The following MDGA2 variants were observed in gnomAD, a reference collection of about 807,000 sequenced individuals.
The protein encoded by MDGA2 is MAM domain-containing glycosylphosphatidylinositol anchor protein 2.
In MDGA2, 40 loss-of-function variants were observed where a neutral mutation model predicts 117.8. That is an observed-to-expected ratio of 0.34 (90% CI 0.26 to 0.44). MDGA2 has a LOEUF of 0.44. Ranked by LOEUF, MDGA2 falls within the 20% of genes least tolerant of loss-of-function variation. The pLI is 1.00. For synonymous variants in MDGA2, 452 were observed against 439.0 expected, an observed-to-expected ratio of 1.03 and a Z score of -0.37; for missense variants, 1,123 against 1,250.6, an observed-to-expected ratio of 0.90 and a Z score of 1.54.
chr14:46,864,224 G>A (rs1881632603), intron 14 of MDGA2, among the ~76,000 whole-genome samples: 1 of 151,106 alleles, frequency 6.6e-6, no homozygotes, highest in Non-Finnish European at 1.5e-5. Context: ...TGATGTGAGG[G>A]TGGTTAAATG....
At chr14:47,136,960 T>C (rs1026406043) in intron 4 of MDGA2, among the ~76,000 whole-genome samples, 13 of 152,120 alleles carry the variant, frequency 8.5e-5, no homozygotes, top group Non-Finnish European at 1.2e-4. Context: ...AAAAGAAAGG[T>C]AAGCCCCAAG....
intron 7 of MDGA2, among the ~76,000 whole-genome samples, chr14:47,040,329 TTTTATTTTC>T (rs752354643): frequency 5.9e-4 from 85 of 144,314 alleles, no homozygotes; most frequent in Non-Finnish European, 1.0e-3. Context: ...TACTGATAAA[TTTTATTTTC>T]TTTATTTCCC....
intron 5 of MDGA2, among the ~76,000 whole-genome samples, chr14:47,117,704 T>A (rs975201472): frequency 6.6e-6 from 1 of 152,082 alleles, no homozygotes; most frequent in Non-Finnish European, 1.5e-5. Flanking sequence ...GTCAAATTCA[T>A]AGAATCATAG....
chr14:47,426,874 C>A (rs1555320594), intron 1 of MDGA2, among the ~76,000 whole-genome samples: 1 of 151,480 alleles, frequency 6.6e-6, no homozygotes, highest in Non-Finnish European at 1.5e-5. Context: ...TTATAATATA[C>A]TGCTTGGTGA....
At chr14:47,593,850 C>T (rs879837109) in intron 1 of MDGA2, among the ~76,000 whole-genome samples, 1 of 152,022 alleles carries the variant, frequency 6.6e-6, no homozygotes, top group Non-Finnish European at 1.5e-5. Flanking sequence ...CAAACCTGCA[C>T]GTCCTGCACA....
At chr14:47,042,362 G>C (rs1473249664) in intron 7 of MDGA2, among the ~76,000 whole-genome samples, 2 of 149,178 alleles carry the variant, frequency 1.3e-5, no homozygotes, top group East Asian at 3.9e-4. Flanking sequence ...CACGCATGCA[G>C]GTGCGTGTCT....
In MDGA2 at chr14:47,086,908, G is replaced by T. The variant is rs113659028; in HGVS notation, c.1195+9946C>A. 2.1e-3 allele frequency among the ~76,000 whole-genome samples: 321 copies of T among 152,276 alleles called. 2 individuals are homozygous for T. Among genetic ancestry groups the T allele is most frequent in the African/African-American group, 7.2e-3 (300 of 41,560 alleles). On this transcript the variant is annotated intron_variant, in intron 6 of 16. Coordinates refer to ENST00000399232, the MANE Select transcript of MDGA2 (RefSeq NM_001113498.3). ...TTTATTCTTTTGCATGCCATATGGAGAGAGTTGCCCTGATATCTTTGTGCA... is the reference window on the plus strand; with the variant it reads ...TTTATTCTTTTGCATGCCATATGGATAGAGTTGCCCTGATATCTTTGTGCA...
In MDGA2 at chr14:46,841,793, T is replaced by C. The variant is rs1418377847; in HGVS notation, c.*138A>G. 1 of 543,516 alleles carries C rather than the reference T, an allele frequency of 1.8e-6. No homozygotes were observed. 33.7% of individuals were successfully genotyped at this position (543,516 alleles called of 1,614,324 possible). On this transcript the variant is annotated 3_prime_UTR_variant, in exon 17 of 17. Transcript: ENST00000399232. ...TTTTATCCCCAGTGCTTAAAAAAAT[T>C]TGTTTTTATTATTTTATTTTTGAGT...
At chr14:47,594,949 C>T (rs765439951) in intron 1 of MDGA2, among the ~76,000 whole-genome samples, 2 of 152,104 alleles carry the variant, frequency 1.3e-5, no homozygotes, top group African/African-American at 2.4e-5. Flanking sequence ...ACCTTTTGGC[C>T]TTTATTAGTA....
intron 9 of MDGA2, among the ~76,000 whole-genome samples, chr14:46,933,595 A>T (rs1015831405): frequency 2.0e-5 from 3 of 151,472 alleles, no homozygotes; most frequent in African/African-American, 7.3e-5. Context: ...ATTCTTTGGG[A>T]AGATTTCCAT....
In MDGA2 at chr14:46,963,651, T is replaced by C. The variant is rs372968097; in HGVS notation, c.1820-6008A>G. ...ATTCTCATCATTCAGATTTTACCTC[T>C]TTAGGAAGCCCATCTTTGATGACAA... On this transcript the variant is annotated intron_variant, in intron 8 of 16. Transcript: ENST00000399232. Among the ~76,000 whole-genome samples the C allele has an allele frequency of 5.9e-5, 9 of 152,332 alleles. No individual in the cohort carries two copies. In the East Asian group the frequency reaches 1.5e-3, roughly 26 times the overall value.
chr14:46,851,246 A>G (rs1594993753), intron 15 of MDGA2, among the ~76,000 whole-genome samples: 1 of 151,868 alleles, frequency 6.6e-6, no homozygotes, highest in South Asian at 2.1e-4. Flanking sequence ...CTAGTTGTAC[A>G]CTTTACCCCT....
chr14:47,626,753 G>T (rs1263930232), intron 1 of MDGA2, among the ~76,000 whole-genome samples: 1 of 152,304 alleles, frequency 6.6e-6, no homozygotes, highest in East Asian at 1.9e-4. Context: ...CTCCCAGCGA[G>T]GCAGGGCTCG....
chr14:47,587,837 C>T (rs1428550217), intron 1 of MDGA2, among the ~76,000 whole-genome samples: 3 of 151,864 alleles, frequency 2.0e-5, no homozygotes, highest in African/African-American at 7.2e-5. Context: ...TTTTCATCAT[C>T]CCAAAAGAAA....
intron 3 of MDGA2, among the ~76,000 whole-genome samples, chr14:47,195,589 G>T (rs1448784864): frequency 6.6e-6 from 1 of 151,896 alleles, no homozygotes; most frequent in Non-Finnish European, 1.5e-5. Context: ...CTGGTGATTT[G>T]CAAAACTGAA....
At chr14:47,239,036 A>C (rs1886955345) in intron 2 of MDGA2, among the ~76,000 whole-genome samples, 1 of 151,654 alleles carries the variant, frequency 6.6e-6, no homozygotes. Context: ...ACTGGTGTTT[A>C]TGTAGCTGGG....
At chr14:46,846,087 G>T (rs577618138) in intron 15 of MDGA2, among the ~76,000 whole-genome samples, 17 of 151,974 alleles carry the variant, frequency 1.1e-4, no homozygotes, top group Admixed American at 2.0e-4. Context: ...CACATCAAAA[G>T]CTCTGTGTCG....
At chr14:46,880,590 G>C (rs940808134) in intron 11 of MDGA2, among the ~76,000 whole-genome samples, 3 of 151,562 alleles carry the variant, frequency 2.0e-5, no homozygotes, top group African/African-American at 7.3e-5. Flanking sequence ...ATCACCTGAG[G>C]TCGGGAGTTC....
chr14:46,845,807 A>G lies in MDGA2; in HGVS notation c.2948T>C (p.Ile983Thr). The change falls in exon 16 of 17, where the codon ATT (isoleucine) becomes ACT (threonine). Residue 983 changes from isoleucine to threonine, a missense_variant. Physicochemically the swap from Ile to Thr is moderately conservative, Grantham distance 89 (BLOSUM62 -1). Around this residue, in one of 2 missense-constraint regions of MDGA2, gnomAD observed 890 missense variants for 1,050.3 expected, o/e 0.85. Coordinates refer to ENST00000399232, the MANE Select transcript of MDGA2 (RefSeq NM_001113498.3). The stretch of plus-strand genomic sequence containing the variant: ...TTGTTTTGCACATTCTCCTTCTGCA[A>G]TTGATACATCATCAATAGCAATGTC... Reference protein sequence around the residue: ...EGDIAIDDVSIAEGECAKQDL... With the variant: ...EGDIAIDDVSTAEGECAKQDL... 6.2e-7 allele frequency: 1 copy of G among 1,613,478 alleles called. No homozygotes were observed. The highest frequency in any genetic ancestry group is 8.5e-7 in the Non-Finnish European group (1 of 1,179,608).
Sources: allele counts gnomAD v4.1 joint callset (sites outside exome capture counted in the v4.1 genomes callset), GRCh38; gene constraint gnomAD v4.1.1; regional missense constraint gnomAD v4.1.1; transcripts MANE v1.5; gene names NCBI Gene and HGNC (gene_info 2026-07-23, HGNC 2026-07-21).